GNAQ: variants seen among roughly 807,000 people sequenced by gnomAD.
GNAQ encodes guanine nucleotide-binding protein G(q) subunit alpha.
Under a neutral mutation model 43.9 loss-of-function variants are expected in GNAQ, and 8 were observed. That is an observed-to-expected ratio of 0.18 (90% confidence interval 0.11 to 0.33). GNAQ has a LOEUF of 0.33. GNAQ is among the 10% of genes least tolerant of loss of function. The pLI, the probability that GNAQ is intolerant of heterozygous loss-of-function variation, is 1.00. For missense variants in GNAQ, 158 were observed against 450.8 expected (o/e 0.35, Z 5.88); for synonymous variants, 155 against 170.7 (o/e 0.91, Z 0.71).
intron 5 of GNAQ, among the ~76,000 whole-genome samples, chr9:77,745,611 CAAA>C (rs5898559): frequency 8.6e-5 from 13 of 151,314 alleles, no homozygotes; most frequent in South Asian, 4.2e-4. Context: ...TGCACACACA[CAAA>C]AAAAAAATCT....
chr9:77,853,060 A>G (rs1827695809), intron 2 of GNAQ, among the ~76,000 whole-genome samples: 2 of 152,226 alleles, frequency 1.3e-5, no homozygotes, highest in Admixed American at 1.3e-4. Context: ...AGTATTTTAG[A>G]AAAGGAAAAG....
intron 1 of GNAQ, among the ~76,000 whole-genome samples, chr9:77,943,965 C>T (rs1359714265): frequency 6.6e-6 from 1 of 152,120 alleles, no homozygotes; most frequent in Non-Finnish European, 1.5e-5. Context: ...CAGTGCCTAG[C>T]CAGTGACTTC....
At position 77,888,110 on chromosome 9, in the gene GNAQ, A is replaced by G. The variant is rs148708184; in HGVS notation, c.321+34051T>C. On this transcript the variant is annotated intron_variant, in intron 2 of 6. Coordinates refer to ENST00000286548, the MANE Select transcript of GNAQ (RefSeq NM_002072.5). ...CAGTTTCAAGACATGCAATGATGAC[A>G]TCTTTCTGATGGCTAATGGAATGGG... Among the ~76,000 whole-genome samples the G allele has an allele frequency of 4.1e-4, 63 of 152,340 alleles. 1 individual carries two copies. The highest frequency in any genetic ancestry group is 1.0e-3 in the South Asian group (5 of 4,834).
intron 2 of GNAQ, among the ~76,000 whole-genome samples, chr9:77,908,968 A>G (rs1189690586): frequency 6.6e-6 from 1 of 152,232 alleles, no homozygotes; most frequent in Non-Finnish European, 1.5e-5. Context: ...ACATTCAGTT[A>G]GGAAGACCCA....
chr9:77,848,081 T>C (rs897167918), intron 2 of GNAQ, among the ~76,000 whole-genome samples: 3 of 152,220 alleles, frequency 2.0e-5, no homozygotes, highest in African/African-American at 7.2e-5. Context: ...GGTTTTCTGC[T>C]TCACTGTCTC....
intron 1 of GNAQ, among the ~76,000 whole-genome samples, chr9:78,008,649 C>T (rs535161427): frequency 3.3e-5 from 5 of 151,722 alleles, no homozygotes; most frequent in South Asian, 2.1e-4. Flanking sequence ...GACGGAGTCT[C>T]GCTCTGTTGC....
intron 2 of GNAQ, among the ~76,000 whole-genome samples, chr9:77,911,935 A>C (rs1305160734): frequency 6.6e-6 from 1 of 152,252 alleles, no homozygotes; most frequent in East Asian, 1.9e-4. Flanking sequence ...TATGCAGCTA[A>C]CACAGTCTGG....
chr9:77,955,600 T>C (rs951122117), intron 1 of GNAQ, among the ~76,000 whole-genome samples: 6 of 152,200 alleles, frequency 3.9e-5, no homozygotes, highest in African/African-American at 7.2e-5. Flanking sequence ...TGCTCAGTAA[T>C]TCTCAAAAAG....
chr9:77,937,989 G>C (rs1018649399), intron 1 of GNAQ, among the ~76,000 whole-genome samples: 1 of 152,000 alleles, frequency 6.6e-6, no homozygotes. Flanking sequence ...TTGTCCCTTG[G>C]TATCAAGGGG....
At chr9:77,831,654 C>T (rs866925843) in intron 2 of GNAQ, among the ~76,000 whole-genome samples, 65 of 152,238 alleles carry the variant, frequency 4.3e-4, no homozygotes, top group South Asian at 4.1e-4. Context: ...GGTTTTGTTG[C>T]TAGAATCACT....
chr9:77,954,770 G>A (rs899519203), intron 1 of GNAQ, among the ~76,000 whole-genome samples: 4 of 152,264 alleles, frequency 2.6e-5, no homozygotes, highest in South Asian at 4.2e-4. Context: ...GCTGGCTAAT[G>A]GCCTGGCAAA....
In GNAQ at chr9:77,981,463, T is replaced by C. The variant is rs1257123404; in HGVS notation, c.136+49637A>G. ...AGACGCTGAAGGCAAAGTCCAGTCATGCAGAAGGTGTGGAAGGCCACGGCA... is the reference window on the plus strand; with the variant it reads ...AGACGCTGAAGGCAAAGTCCAGTCACGCAGAAGGTGTGGAAGGCCACGGCA... On this transcript the variant is annotated intron_variant, in intron 1 of 6. Transcript: ENST00000286548. 5.3e-5 allele frequency among the ~76,000 whole-genome samples: 8 copies of C among 152,296 alleles called. No homozygotes were observed. In the East Asian group the frequency reaches 1.5e-3, roughly 29 times the overall value.
intron 2 of GNAQ, among the ~76,000 whole-genome samples, chr9:77,864,537 T>G (rs1827917195): frequency 6.6e-6 from 1 of 152,060 alleles, no homozygotes; most frequent in African/African-American, 2.4e-5. Context: ...TGATGCAAAG[T>G]GAGATGGACC....
chr9:77,821,726 T>G (rs10124656), intron 2 of GNAQ, among the ~76,000 whole-genome samples: 4,342 of 30,244 alleles, frequency 0.14, 156 homozygotes, highest in African/African-American at 0.28. Flanking sequence ...CTAGTATGGG[T>G]GTGTGTGTGT....
intron 2 of GNAQ, among the ~76,000 whole-genome samples, chr9:77,894,727 G>T (rs1391022534): frequency 6.6e-6 from 1 of 151,658 alleles, no homozygotes; most frequent in African/African-American, 2.4e-5. Context: ...GCCTTTAATG[G>T]AATGTTTTTT....
At chr9:77,857,822 C>T (rs1395592499) in intron 2 of GNAQ, among the ~76,000 whole-genome samples, 2 of 148,980 alleles carry the variant, frequency 1.3e-5, no homozygotes, top group Non-Finnish European at 3.0e-5. Context: ...TCCTGTTTAC[C>T]TTAATGAAAA....
chr9:77,740,446 AGG>A (rs2118256955), intron 5 of GNAQ, among the ~76,000 whole-genome samples: 1 of 152,362 alleles, frequency 6.6e-6, no homozygotes, highest in East Asian at 1.9e-4. Context: ...GAAATAACAT[AGG>A]CAATCAGAGT....
At chr9:77,949,622 G>A (rs916271819) in intron 1 of GNAQ, among the ~76,000 whole-genome samples, 3 of 152,152 alleles carry the variant, frequency 2.0e-5, no homozygotes, top group African/African-American at 4.8e-5. Flanking sequence ...GACAGCTCTG[G>A]AAAATTGGCA....
rs142273182 is a variant in GNAQ at position 77,811,740 on chromosome 9, C to T, written c.476+3876G>A. On this transcript the variant is annotated intron_variant, in intron 3 of 6. Coordinates refer to ENST00000286548, the MANE Select transcript of GNAQ (RefSeq NM_002072.5). ...GGTGAAGAATAAAGTAAGTAACACT[C>T]GGGCCTCCTGGCACAGTGGGATTAA... Among the ~76,000 whole-genome samples the T allele has an allele frequency of 4.4e-3, 667 of 152,268 alleles. 3 individuals carry two copies. The highest frequency in any genetic ancestry group is 0.01 in the Middle Eastern group (3 of 294).
Sources: gnomAD v4.1 joint callset for allele counts (sites outside exome capture counted in the v4.1 genomes callset) on GRCh38, gnomAD v4.1.1 for gene constraint, MANE v1.5 for transcripts, NCBI Gene and HGNC (gene_info 2026-07-23, HGNC 2026-07-21) for gene names.